Variants in CASD1 observed in about 807,000 individuals in gnomAD.
CASD1 encodes CAS1 domain sialic acid O acetyltransferase 1, also known as N-acetylneuraminate (7)9-O-acetyltransferase.
A neutral mutation model predicts 100.0 loss-of-function variants in CASD1; 41 were observed. That is an observed-to-expected ratio of 0.41 (90% confidence interval 0.32 to 0.53). The LOEUF is 0.53. Among genes scored for constraint, CASD1 ranks in the 20% least tolerant of loss-of-function variants. The probability of loss-of-function intolerance (pLI) is 0.25; values close to 1 mark genes in which losing one functional copy is unlikely to be tolerated. For missense variants in CASD1, 774 were observed against 948.7 expected (o/e 0.82, Z 2.42); for synonymous variants, 321 against 315.6 (o/e 1.02, Z -0.18).
At chr7:94,522,221 A>G (rs947287583) in intron 3 of CASD1, among the ~76,000 whole-genome samples, 8 of 152,244 alleles carry the variant, frequency 5.3e-5, no homozygotes, top group Admixed American at 3.9e-4. Context: ...TATTTAAAAT[A>G]AGAAGGACAT....
chr7:94,543,609 C>T (rs28501213), intron 10 of CASD1, among the ~76,000 whole-genome samples: 17,756 of 151,174 alleles, frequency 0.12, 1,121 homozygotes, highest in East Asian at 0.16. Flanking sequence ...GAGCCGAGAT[C>T]ACGCCACTGC....
At chr7:94,591,273 A>G in the CASD1 span, among the ~76,000 whole-genome samples, 1 of 152,178 alleles carries the variant, frequency 6.6e-6, no homozygotes, top group African/African-American at 2.4e-5. Context: ...ATGCAATTAG[A>G]TGGGCATCTC....
intron 5 of CASD1, 151 bp from the exon 6 acceptor site, chr7:94,533,054 A>G: frequency 2.1e-6 from 1 of 474,666 alleles, no homozygotes; most frequent in Non-Finnish European, 3.6e-6. Context: ...TTGTTATAAC[A>G]ATAATAAGCA....
At chr7:94,591,595 A>G in the CASD1 span, among the ~76,000 whole-genome samples, 4 of 151,522 alleles carry the variant, frequency 2.6e-5, no homozygotes, top group African/African-American at 9.6e-5. Context: ...CAAATTCAAA[A>G]TCAGCATTTG....
At chr7:94,570,709 G>A in the CASD1 span, among the ~76,000 whole-genome samples, 1 of 151,970 alleles carries the variant, frequency 6.6e-6, no homozygotes, top group East Asian at 1.9e-4. Flanking sequence ...TGGCCAGGCT[G>A]ATCTCCAACT....
chr7:94,600,578 T>G, the CASD1 span: 6 of 1,206,116 alleles, frequency 5.0e-6, no homozygotes, highest in Non-Finnish European at 7.3e-6. Flanking sequence ...ACTTTGCTTT[T>G]AATGGAATCT....
At chr7:94,600,017 G>C in the CASD1 span, 3 of 295,862 alleles carry the variant, frequency 1.0e-5, no homozygotes, top group Non-Finnish European at 1.9e-5. Context: ...AAAAATGAAA[G>C]AATTTGTTAC....
At chr7:94,628,303 G>A in the CASD1 span, 4 of 1,611,366 alleles carry the variant, frequency 2.5e-6, no homozygotes, top group Non-Finnish European at 2.5e-6. Flanking sequence ...CATCCAGGTC[G>A]GTCTGGGTAA....
Position 94,549,652 on chromosome 7 carries a change from G to A in CASD1, c.1815+18G>A. Reference sequence around the variant, plus strand: ...ACCGTTATGTATGTATTTACTTTGTGATATTTTGTCATTTCAAATTATACT... The same window carrying A: ...ACCGTTATGTATGTATTTACTTTGTAATATTTTGTCATTTCAAATTATACT... On this transcript the variant is annotated intron_variant, in intron 14 of 17. Transcript: ENST00000297273. 6.5e-7 allele frequency: 1 copy of A among 1,545,168 alleles called. No individual in the cohort carries two copies. The highest frequency in any genetic ancestry group is 1.4e-5 in the African/African-American group (1 of 72,048).
chr7:94,599,782 A>T, the CASD1 span: 8 of 1,165,138 alleles, frequency 6.9e-6, no homozygotes, highest in South Asian at 9.8e-5. Flanking sequence ...GAACATTAAG[A>T]CTATATGCTC....
chr7:94,541,600 A>C (rs1051073506), intron 10 of CASD1, among the ~76,000 whole-genome samples: 1 of 129,332 alleles, frequency 7.7e-6, no homozygotes, highest in African/African-American at 2.8e-5. Context: ...ACTTCCATGG[A>C]AAGACCTGAA....
intron 17 of CASD1, 61 bp downstream of exon 17, chr7:94,554,636 CGT>C (rs112044549): frequency 1.8e-4 from 190 of 1,036,846 alleles, no homozygotes; most frequent in South Asian, 2.6e-4. Context: ...TGTGTATGTA[CGT>C]GTGTGTGTGT....
chr7:94,585,475 A>C, the CASD1 span: 1 of 1,601,868 alleles, frequency 6.2e-7, no homozygotes. Flanking sequence ...TTATAAATTC[A>C]TTGCTTCAGT....
At chr7:94,562,372 T>C in the CASD1 span, among the ~76,000 whole-genome samples, 1 of 152,202 alleles carries the variant, frequency 6.6e-6, no homozygotes, top group Admixed American at 6.5e-5. Context: ...CCTAAGTGTT[T>C]CTTCAGACCA....
At chr7:94,584,970 A>G in the CASD1 span, 3 of 152,992 alleles carry the variant, frequency 2.0e-5, no homozygotes, top group Non-Finnish European at 4.4e-5. Flanking sequence ...CAGTTTCACA[A>G]TCCATAAAAC....
intron 7 of CASD1, among the ~76,000 whole-genome samples, chr7:94,534,755 ATC>A (rs1795036491): frequency 6.6e-6 from 1 of 152,140 alleles, no homozygotes; most frequent in Admixed American, 6.5e-5. Flanking sequence ...CTGTTCCATA[ATC>A]TCTGTTTTAT....
Position 94,511,756 on chromosome 7 carries a change from CCCTT to C in CASD1, c.133+1544_133+1547del, listed in dbSNP as rs534904604. ...TCCTAAGATAAATAAACATCTAGTC[CCCTT>C]CCTTTTATTTTTTTGTGCTTTTTAT... On this transcript the variant is annotated intron_variant, in intron 1 of 17. Transcript: ENST00000297273. 5.2e-4 allele frequency among the ~76,000 whole-genome samples: 79 copies of C among 152,142 alleles called. 1 individual carries two copies. In the South Asian group the frequency reaches 1.0e-2, roughly 19 times the overall value.
At chr7:94,552,025 TAAACGGGA>T (rs1795974579) in intron 15 of CASD1, 1 of 235,382 alleles carries the variant, frequency 4.2e-6, no homozygotes, top group Non-Finnish European at 8.1e-6. Context: ...AGAGCTCAAT[TAAACGGGA>T]ATTTTAAAAG....
At chr7:94,520,701 T>C (rs1794215674) in intron 3 of CASD1, among the ~76,000 whole-genome samples, 1 of 152,210 alleles carries the variant, frequency 6.6e-6, no homozygotes, top group Admixed American at 6.5e-5. Context: ...CTCACGCCTG[T>C]AATCCCAACA....
Sources: allele counts gnomAD v4.1 joint callset (sites outside exome capture counted in the v4.1 genomes callset), GRCh38; gene constraint gnomAD v4.1.1; transcripts MANE v1.5; gene names NCBI Gene and HGNC (gene_info 2026-07-23, HGNC 2026-07-21).